The following STAB1 variants were observed in gnomAD, a reference collection of about 807,000 sequenced individuals.
STAB1 encodes stabilin 1.
In STAB1, 250 loss-of-function variants were observed where a neutral mutation model predicts 332.4. The ratio of observed to expected loss-of-function variants is 0.75; its 90% CI spans 0.68 to 0.84. The LOEUF is 0.84. Ranked by LOEUF, STAB1 falls within the 40% of genes least tolerant of loss-of-function variation. The probability of loss-of-function intolerance (pLI) is 0.00; values close to 1 mark genes in which losing one functional copy is unlikely to be tolerated. For synonymous variants in STAB1, 1,475 were observed against 1,390.4 expected (o/e 1.06, Z -1.35); for missense variants, 3,249 against 3,489.7 (o/e 0.93, Z 1.74).
Position 52,504,456 on chromosome 3 carries a change from C to G in STAB1, c.1151-5C>G, listed in dbSNP as rs376943866. ...CTTCTGATGCTCCCTCACCCTGCCCCCCAGACCAGGGCTGCCGGGAAATCC... is the reference window on the plus strand; with the variant it reads ...CTTCTGATGCTCCCTCACCCTGCCCGCCAGACCAGGGCTGCCGGGAAATCC... On this transcript the variant is annotated splice_region_variant and splice_polypyrimidine_tract_variant and intron_variant, in intron 10 of 68. Transcript: ENST00000321725. The G allele has an allele frequency of 9.3e-6, 15 of 1,613,834 alleles. No individual in the cohort carries two copies. In the Admixed American group the frequency reaches 2.0e-4, roughly 22 times the overall value.
chr3:52,521,771 G>A lies in STAB1; in HGVS notation c.6163+71G>A, dbSNP rs1401065295. On this transcript the variant is annotated intron_variant, in intron 57 of 68. Transcript: ENST00000321725. ...GTGCACACATCAGTAAAGGCACCAA[G>A]GGTGGGTGGAACGGGCAGAGGCCAG... The A allele has an allele frequency of 2.1e-5, 33 of 1,603,190 alleles. No homozygotes were observed. The Admixed American group carries it at 5.4e-4, about 26-fold the overall frequency.
Position 52,524,315 on chromosome 3 carries a change from G to C in STAB1, c.7672G>C (p.Glu2558Gln). 6.2e-7 allele frequency: 1 copy of C among 1,613,920 alleles called. No individual in the cohort carries two copies. The highest frequency in any genetic ancestry group is 2.2e-5 in the East Asian group (1 of 44,872). ...CEPFDDSLLE[E>Q]DFPDTQRILT... ...GCTCTTCTAGGACTCACTGCTGGAG[G>C]AGGACTTCCCTGACACCCAGAGGAT... The change falls in exon 69 of 69, where the codon GAG (glutamate) becomes CAG (glutamine). Residue 2558 changes from glutamate to glutamine, a missense_variant. Transcript: ENST00000321725.
At chr3:52,512,520 T>G in intron 27 of STAB1, 76 bp from the exon 28 acceptor site, 5 of 1,612,766 alleles carry the variant, frequency 3.1e-6, no homozygotes, top group Non-Finnish European at 4.2e-6. Context: ...AAAGGGGCAC[T>G]GCTCAGGATC....
chr3:52,502,217 A>T lies in STAB1; in HGVS notation c.476A>T (p.Asp159Val). 1 of 1,612,246 alleles carries T rather than the reference A, an allele frequency of 6.2e-7. No homozygotes were observed. The highest frequency in any genetic ancestry group is 8.5e-7 in the Non-Finnish European group (1 of 1,179,970). ...CAAGACCCCAACCGGTTCGGGCCTG[A>T]CTGCCAATCGGGTGAGTGCTTAAAA... ...ECQDPNRFGP[D>V]CQSVCSCVHG... Residue 159 changes from aspartate to valine, a missense_variant, in exon 5 of 69, where the codon GAC (aspartate) becomes GTC (valine). By Grantham distance (152) the Asp-to-Val change is radical (BLOSUM62 -3). Coordinates refer to ENST00000321725, the MANE Select transcript of STAB1 (RefSeq NM_015136.3).
intron 22 of STAB1, 42 bp from the exon 23 acceptor site, chr3:52,509,828 C>T (rs1026105588): frequency 1.9e-6 from 3 of 1,610,604 alleles, no homozygotes; most frequent in Non-Finnish European, 2.5e-6. Flanking sequence ...CCAGCCCTGC[C>T]TCCTGCTTCT....
chr3:52,516,840 TTCC>T lies in STAB1; in HGVS notation c.4363+75_4363+77del, dbSNP rs149565027. On this transcript the variant is annotated intron_variant, in intron 41 of 68. Transcript: ENST00000321725. ...GCTGTCCCCACAGAGCCCCCTTCAC[TTCC>T]TCTAGGCCCAGCCCCCCTCACTGTC... 8,159 of 1,596,454 alleles carry T rather than the reference TTCC, an allele frequency of 5.1e-3. 373 individuals are homozygous for T. In the African/African-American group the frequency reaches 0.096, roughly 19 times the overall value.
intron 4 of STAB1, 28 bp downstream of exon 4, chr3:52,502,119 G>C (rs752741111): frequency 6.2e-7 from 1 of 1,613,568 alleles, no homozygotes; most frequent in Non-Finnish European, 8.5e-7. Context: ...TGGGGTGGAG[G>C]CTCAGAGGGG....
At chr3:52,498,114 C>G (rs968560447) in intron 1 of STAB1, among the ~76,000 whole-genome samples, 1 of 152,218 alleles carries the variant, frequency 6.6e-6, no homozygotes, top group Non-Finnish European at 1.5e-5. Context: ...ATTCTGGGCT[C>G]TCAGCCTTAA....
Position 52,523,963 on chromosome 3 carries a change from T to G in STAB1, c.7488T>G (p.Ala2496=). The change falls in exon 67 of 69, where the codon GCT becomes GCG. Residue 2496 remains alanine, a synonymous_variant. Transcript: ENST00000321725. ...AGALLGLVAG[A]LYLRARGKPM... is the part of the protein sequence containing the mutation. ...CACTGCTTGGCTTGGTGGCCGGAGCTCTCTACCTCCGTGCCCGAGGCAAGC... is the reference window on the plus strand; with the variant it reads ...CACTGCTTGGCTTGGTGGCCGGAGCGCTCTACCTCCGTGCCCGAGGCAAGC... 1 of 1,611,534 alleles carries G rather than the reference T, an allele frequency of 6.2e-7. No homozygotes were observed. The highest frequency in any genetic ancestry group is 1.1e-5 in the South Asian group (1 of 91,056).
At position 52,521,878 on chromosome 3, in the gene STAB1, C is replaced by T. The variant is rs376509120; in HGVS notation, c.6198C>T (p.Pro2066=). ...CTGTGTGTACCCCACCCTGTGCACCCGAGGCTGTGTGCCGTGCAGGCAACA... is the reference window on the plus strand; with the variant it reads ...CTGTGTGTACCCCACCCTGTGCACCTGAGGCTGTGTGCCGTGCAGGCAACA... The part of the protein sequence containing the change: ...LQPVCTPPCA[P]EAVCRAGNSC... Residue 2066 remains proline, a synonymous_variant, in exon 58 of 69, where the codon CCC becomes CCT. Transcript: ENST00000321725. The T allele has an allele frequency of 9.0e-5, 144 of 1,605,410 alleles. No individual in the cohort carries two copies. Among genetic ancestry groups the T allele is most frequent in the Non-Finnish European group, 1.2e-4 (136 of 1,174,994 alleles).
At chr3:52,524,254 G>C (rs765145035) in intron 68 of STAB1, 41 bp downstream of exon 68, 1 of 1,613,798 alleles carries the variant, frequency 6.2e-7, no homozygotes, top group Non-Finnish European at 8.5e-7. Context: ...TGTGGGATGG[G>C]CCCAGGCCCT....
In STAB1 at chr3:52,518,765, C is replaced by T. The variant is rs2078962054; in HGVS notation, c.4930C>T (p.Arg1644Cys). The T allele has an allele frequency of 1.9e-6, 3 of 1,612,572 alleles. No homozygotes were observed. The highest frequency in any genetic ancestry group is 2.2e-5 in the East Asian group (1 of 44,874). ...TCGTGCGCATCGCCAGCTGGTGTTT[C>T]GCTACCACGTGGTTGGCTGTCGGCG... The part of the protein sequence containing the change: ...RIRAHRQLVF[R>C]YHVVGCRRLR... Residue 1644 changes from arginine (R) to cysteine (C), a missense_variant, in exon 48 of 69, where the codon CGC (arginine) becomes TGC (cysteine). Coordinates refer to ENST00000321725, the MANE Select transcript of STAB1 (RefSeq NM_015136.3).
intron 49 of STAB1, 35 bp from the exon 50 acceptor site, chr3:52,519,470 G>A (rs368367587): frequency 2.1e-4 from 332 of 1,612,634 alleles, no homozygotes; most frequent in Non-Finnish European, 2.7e-4. Context: ...CTCCCTTCCC[G>A]CCTGGCCTAG....
chr3:52,512,270 A>C, intron 26 of STAB1, 71 bp from the exon 27 acceptor site: 1 of 1,462,288 alleles, frequency 6.8e-7, no homozygotes, highest in Non-Finnish European at 9.5e-7. Flanking sequence ...GGACAGGCAG[A>C]AAGATGGGGG....
chr3:52,524,153 C>T lies in STAB1; in HGVS notation c.7596C>T (p.Pro2532=), dbSNP rs2079187531. The T allele has an allele frequency of 6.2e-7, 1 of 1,614,032 alleles. No homozygotes were observed. The highest frequency in any genetic ancestry group is 8.5e-7 in the Non-Finnish European group (1 of 1,180,034). ...CACCGTGGCAAGAAGGGACCAACCCCACCCTGGTCTCTGTCCCCAACCCTG... is the reference window on the plus strand; with the variant it reads ...CACCGTGGCAAGAAGGGACCAACCCTACCCTGGTCTCTGTCCCCAACCCTG... ...DFSPWQEGTN[P]TLVSVPNPVF... The change falls in exon 68 of 69, where the codon CCC becomes CCT. Residue 2532 remains proline, a synonymous_variant. Coordinates refer to ENST00000321725, the MANE Select transcript of STAB1 (RefSeq NM_015136.3).
Position 52,521,445 on chromosome 3 carries a change from G to A in STAB1, c.5993G>A (p.Arg1998His), listed in dbSNP as rs770945357. 73 of 1,613,912 alleles carry A rather than the reference G, an allele frequency of 4.5e-5. No individual in the cohort carries two copies. The highest frequency in any genetic ancestry group is 1.3e-4 in the Admixed American group (8 of 60,006). The change falls in exon 56 of 69, where the codon CGT (arginine) becomes CAT (histidine). Residue 1998 changes from arginine to histidine, a missense_variant. Physicochemically the swap from Arg to His is conservative, Grantham distance 29. Coordinates refer to ENST00000321725, the MANE Select transcript of STAB1 (RefSeq NM_015136.3). The part of the protein sequence containing the change: ...GMSGSGQCLC[R>H]SGFAGTACEL... ...AGTGGCAGTGGGCAGTGTCTGTGCC[G>A]TTCAGGTTTTGCTGGGACAGCCTGT...
intron 26 of STAB1, 49 bp from the exon 27 acceptor site, chr3:52,512,292 C>T (rs771248010): frequency 6.4e-7 from 1 of 1,570,170 alleles, no homozygotes; most frequent in African/African-American, 1.3e-5. Flanking sequence ...GGGAGGGGCC[C>T]AGCTGCCATC....
chr3:52,519,908 G>T (rs781136111), intron 50 of STAB1, 36 bp from the exon 51 acceptor site: 3 of 1,538,132 alleles, frequency 2.0e-6, no homozygotes, highest in Non-Finnish European at 2.6e-6. Context: ...TCTCTGACTG[G>T]GCAGCGACTG....
chr3:52,520,529 G>A lies in STAB1; in HGVS notation c.5629G>A (p.Glu1877Lys). The A allele has an allele frequency of 1.2e-6, 2 of 1,611,966 alleles. No homozygotes were observed. The highest frequency in any genetic ancestry group is 1.7e-6 in the Non-Finnish European group (2 of 1,179,448). Reference protein sequence around the residue: ...PGLGARCDHFETRPLRLNTCS... With the variant: ...PGLGARCDHFKTRPLRLNTCS... ...CCTTGGTGCTCGCTGTGACCACTTT[G>A]AGACCCGGCCCCTGCGACTGGTGAG... Residue 1877 changes from glutamate to lysine, a missense_variant, in exon 53 of 69, where the codon GAG (glutamate) becomes AAG (lysine). Transcript: ENST00000321725.
Sources: gnomAD v4.1 joint callset for allele counts (sites outside exome capture counted in the v4.1 genomes callset) on GRCh38, gnomAD v4.1.1 for gene constraint, MANE v1.5 for transcripts, NCBI Gene and HGNC (gene_info 2026-07-23, HGNC 2026-07-21) for gene names.